PGBD5: variants seen among roughly 807,000 people sequenced by gnomAD.
PGBD5 encodes piggyBac transposable element-derived protein 5.
PGBD5 carries 14 observed loss-of-function variants against 47.9 expected under a neutral mutation model. That is an observed-to-expected ratio of 0.29 (90% CI 0.19 to 0.46). The LOEUF is 0.46. PGBD5 is among the 20% of genes least tolerant of loss of function. PGBD5 has a pLI of 1.00. For missense variants in PGBD5, 635 were observed against 716.0 expected, an observed-to-expected ratio of 0.89 and a Z score of 1.29; for synonymous variants, 316 against 306.3, an observed-to-expected ratio of 1.03 and a Z score of -0.33.
At chr1:230,409,865 T>C (rs1256030273) in intron 1 of PGBD5, among the ~76,000 whole-genome samples, 1 of 151,376 alleles carries the variant, frequency 6.6e-6, no homozygotes, top group Non-Finnish European at 1.5e-5. Context: ...AACAACTTGA[T>C]CAAAATATCA....
chr1:230,336,685 G>A (rs927869797), intron 4 of PGBD5, among the ~76,000 whole-genome samples: 7 of 152,172 alleles, frequency 4.6e-5, no homozygotes, highest in African/African-American at 7.2e-5. Context: ...TTGTACTGTT[G>A]TTCCCTGTCT....
intron 1 of PGBD5, among the ~76,000 whole-genome samples, chr1:230,369,064 C>T (rs1667887642): frequency 6.6e-6 from 1 of 152,228 alleles, no homozygotes; most frequent in Admixed American, 6.5e-5. Context: ...TCTGGAAGGC[C>T]TTGGCCACAG....
intron 1 of PGBD5, among the ~76,000 whole-genome samples, chr1:230,393,450 C>T (rs1656840413): frequency 6.6e-6 from 1 of 152,098 alleles, no homozygotes; most frequent in Admixed American, 6.5e-5. Flanking sequence ...GGAGGTGACT[C>T]ACAGATTCTC....
intron 1 of PGBD5, among the ~76,000 whole-genome samples, chr1:230,374,140 C>T (rs1373974992): frequency 6.6e-6 from 1 of 152,120 alleles, no homozygotes; most frequent in Non-Finnish European, 1.5e-5. Flanking sequence ...AACTTTTGGC[C>T]AGGCAGGGTG....
chr1:230,369,491 C>T (rs1667894869), intron 1 of PGBD5, among the ~76,000 whole-genome samples: 1 of 152,226 alleles, frequency 6.6e-6, no homozygotes, highest in Non-Finnish European at 1.5e-5. Context: ...GCTGGAATCA[C>T]TGGTGCAATC....
At chr1:230,423,042 A>T (rs1006251691) in intron 1 of PGBD5, among the ~76,000 whole-genome samples, 6 of 151,712 alleles carry the variant, frequency 4.0e-5, no homozygotes, top group African/African-American at 1.5e-4. Flanking sequence ...AAAACCAAAA[A>T]CCTAGCACAA....
chr1:230,391,813 A>C (rs1168271758), intron 1 of PGBD5, among the ~76,000 whole-genome samples: 1 of 152,210 alleles, frequency 6.6e-6, no homozygotes, highest in Non-Finnish European at 1.5e-5. Context: ...AGCAGCCCCA[A>C]ACACCTGGCA....
At chr1:230,396,153 A>C (rs1271917078) in intron 1 of PGBD5, among the ~76,000 whole-genome samples, 25 of 66,852 alleles carry the variant, frequency 3.7e-4, no homozygotes, top group South Asian at 1.0e-3. Context: ...CATCCCTTTT[A>C]CTCCCACACT....
In PGBD5 at chr1:230,323,981, G is replaced by A. The variant is rs1204288802; in HGVS notation, c.1380-361C>T. 2.0e-5 allele frequency among the ~76,000 whole-genome samples: 3 copies of A among 152,158 alleles called. No homozygotes were observed. Among genetic ancestry groups the A allele is most frequent in the South Asian group, 4.2e-4 (2 of 4,818 alleles). On this transcript the variant is annotated intron_variant, in intron 6 of 6. Transcript: ENST00000391860. The surrounding 1 kb of genome is among the most constrained non-coding windows in gnomAD (Gnocchi z 4.1). ...CTCCTTGCAAAGCTGTGCTCTGTAC[G>A]TGCTGTGCAGCTGACACTCCCCCAA...
At chr1:230,333,155 G>C (rs893990018) in intron 4 of PGBD5, 114 bp from the exon 5 acceptor site, 1 of 1,134,976 alleles carries the variant, frequency 8.8e-7, no homozygotes. Context: ...TGAGGCTGAT[G>C]CTTGGGAGTC....
chr1:230,322,702 G>A lies in PGBD5; in HGVS notation c.*723C>T, dbSNP rs1380513672. 1 of 153,032 alleles carries A rather than the reference G, an allele frequency of 6.5e-6. No individual in the cohort carries two copies. Among genetic ancestry groups the A allele is most frequent in the Non-Finnish European group, 1.5e-5 (1 of 68,068 alleles). The allele number at this position is 153,032 out of a possible 1,614,324, so 9.5% of individuals were successfully genotyped here. A position where few individuals can be genotyped will look rare whatever the true frequency, so the allele number is the denominator to read the frequency against. The stretch of plus-strand genomic sequence containing the variant: ...GACATCTGCCTTTTACATTAGATCT[G>A]AAGCAACAGTAAGAAAATAACCTGA... On this transcript the variant is annotated 3_prime_UTR_variant, in exon 7 of 7. Coordinates refer to ENST00000391860, the MANE Select transcript of PGBD5 (RefSeq NM_001258311.2). The surrounding 1 kb of genome is among the most constrained non-coding windows in gnomAD (Gnocchi z 5.9).
intron 3 of PGBD5, among the ~76,000 whole-genome samples, chr1:230,345,576 C>T (rs911122249): frequency 3.9e-5 from 6 of 152,282 alleles, no homozygotes; most frequent in African/African-American, 1.2e-4. Flanking sequence ...CAGACAGTCT[C>T]CAATTTACAC....
chr1:230,370,778 C>G (rs1403189682), intron 1 of PGBD5, among the ~76,000 whole-genome samples: 1 of 152,174 alleles, frequency 6.6e-6, no homozygotes. Context: ...ACAGCCTCAA[C>G]GCACATGGCT....
chr1:230,343,089 T>C (rs1309277168), intron 3 of PGBD5, among the ~76,000 whole-genome samples: 3 of 152,218 alleles, frequency 2.0e-5, no homozygotes, highest in Admixed American at 2.0e-4. Flanking sequence ...ATGACTTTCA[T>C]CTCTCATTGC....
intron 1 of PGBD5, among the ~76,000 whole-genome samples, chr1:230,414,050 C>A (rs932495487): frequency 2.0e-5 from 3 of 152,174 alleles, no homozygotes; most frequent in African/African-American, 7.2e-5. Flanking sequence ...CGCTGGCACA[C>A]CCCAAGGTGC....
At chr1:230,337,040 T>C in intron 4 of PGBD5, 68 bp downstream of exon 4, 1 of 1,545,920 alleles carries the variant, frequency 6.5e-7, no homozygotes, top group Non-Finnish European at 8.8e-7. Context: ...CACCCCCACC[T>C]GGACCTCTCC....
rs193118044 is a variant in PGBD5, at chr1:230,377,598, A to C, written c.332-20277T>G. On this transcript the variant is annotated intron_variant, in intron 1 of 6. Transcript: ENST00000391860. ...CCCCGAGAGTACTTTGCACGAAGAG[A>C]GCTCGAGTTCTGTAGTCAGGCATAT... The C allele has an allele frequency of 4.4e-6, 7 of 1,573,964 alleles. No individual in the cohort carries two copies. The African/African-American group carries it at 9.5e-5, about 21-fold the overall frequency.
At chr1:230,332,639 G>A (rs762786948) in intron 5 of PGBD5, among the ~76,000 whole-genome samples, 4 of 152,178 alleles carry the variant, frequency 2.6e-5, no homozygotes, top group Non-Finnish European at 1.5e-5. Context: ...CGAACAGGGA[G>A]CTCTTTCCTC....
At chr1:230,331,238 C>A (rs909624750) in intron 5 of PGBD5, among the ~76,000 whole-genome samples, 4 of 151,912 alleles carry the variant, frequency 2.6e-5, no homozygotes, top group African/African-American at 4.8e-5. Context: ...CATAGTGAGA[C>A]CCTGTCTCAC....
Sources: allele counts gnomAD v4.1 joint callset (sites outside exome capture counted in the v4.1 genomes callset), GRCh38; gene constraint gnomAD v4.1.1; non-coding constraint Gnocchi (gnomAD v3.1); transcripts MANE v1.5; gene names NCBI Gene and HGNC (gene_info 2026-07-23, HGNC 2026-07-21).